Variants in VTI1A observed in about 807,000 individuals in gnomAD.
VTI1A encodes vesicle transport through interaction with t-SNAREs 1A.
Under a neutral mutation model 34.9 loss-of-function variants are expected in VTI1A, and 22 were observed. The ratio of observed to expected loss-of-function variants is 0.63; its 90% CI spans 0.45 to 0.90. VTI1A has a LOEUF of 0.90. Ranked by LOEUF, VTI1A falls within the 40% of genes least tolerant of loss-of-function variation. The pLI is 0.00. For synonymous variants in VTI1A, 87 were observed against 97.3 expected (o/e 0.89, Z 0.62); for missense variants, 268 against 275.6 (o/e 0.97, Z 0.20).
intron 5 of VTI1A, among the ~76,000 whole-genome samples, chr10:112,593,940 C>T (rs111296809): frequency 1.4e-5 from 2 of 148,140 alleles, no homozygotes; most frequent in East Asian, 2.0e-4. Context: ...GACGGAGTCT[C>T]GCTCTGTCAC....
intron 7 of VTI1A, among the ~76,000 whole-genome samples, chr10:112,808,263 A>T (rs555401363): frequency 1.3e-5 from 2 of 152,164 alleles, no homozygotes; most frequent in South Asian, 4.2e-4. Context: ...ATAAGATCAC[A>T]TTCTGAGGTT....
rs566717534 is a variant in VTI1A, at chr10:112,708,056, G to A, written c.560+39058G>A. On this transcript the variant is annotated intron_variant, in intron 7 of 7. Transcript: ENST00000393077. ...CATTCTTTACCGCCAAAGAAAGCAG[G>A]TTCATTTCTGTTAGACAGTTCTATC... is the stretch of plus-strand genomic sequence containing the variant. Among the ~76,000 whole-genome samples the A allele has an allele frequency of 9.2e-5, 14 of 152,286 alleles. No individual in the cohort carries two copies. In the South Asian group the frequency reaches 2.7e-3, roughly 29 times the overall value.
intron 5 of VTI1A, among the ~76,000 whole-genome samples, chr10:112,615,454 A>C (rs1427703533): frequency 2.6e-5 from 4 of 152,218 alleles, no homozygotes; most frequent in African/African-American, 9.7e-5. Flanking sequence ...ACAACAATGA[A>C]GTTGTTTATT....
chr10:112,550,560 C>A (rs1162333009), intron 5 of VTI1A, among the ~76,000 whole-genome samples: 1 of 152,072 alleles, frequency 6.6e-6, no homozygotes, highest in Non-Finnish European at 1.5e-5. Context: ...TCTTGGGCTA[C>A]AGTGTTTTCC....
intron 7 of VTI1A, among the ~76,000 whole-genome samples, chr10:112,706,497 G>C (rs7073681): frequency 2.6e-5 from 4 of 151,926 alleles, no homozygotes; most frequent in African/African-American, 9.7e-5. Flanking sequence ...TACCTACTTC[G>C]GTCTCTGTAC....
intron 7 of VTI1A, 79 bp from the exon 8 acceptor site, chr10:112,815,211 C>A: frequency 9.6e-7 from 1 of 1,039,768 alleles, no homozygotes; most frequent in Non-Finnish European, 1.4e-6. Flanking sequence ...GTTTGATTAG[C>A]CAACCTGGCC....
At chr10:112,571,504 T>C (rs1050139783) in intron 5 of VTI1A, among the ~76,000 whole-genome samples, 2 of 152,168 alleles carry the variant, frequency 1.3e-5, no homozygotes, top group Non-Finnish European at 2.9e-5. Context: ...TTGGCGATGC[T>C]ATGGAGAAAA....
intron 5 of VTI1A, among the ~76,000 whole-genome samples, chr10:112,628,617 G>T (rs188702730): frequency 1.3e-5 from 2 of 152,100 alleles, no homozygotes; most frequent in African/African-American, 4.8e-5. Flanking sequence ...TCATTTACAG[G>T]ATTGCATCCA....
At chr10:112,691,110 A>C (rs1424355613) in intron 7 of VTI1A, among the ~76,000 whole-genome samples, 1 of 151,858 alleles carries the variant, frequency 6.6e-6, no homozygotes, top group Non-Finnish European at 1.5e-5. Flanking sequence ...AATACAAAAA[A>C]ATTAGCCAGG....
At chr10:112,787,007 A>G (rs558996017) in intron 7 of VTI1A, among the ~76,000 whole-genome samples, 2 of 152,236 alleles carry the variant, frequency 1.3e-5, no homozygotes, top group East Asian at 1.9e-4. Flanking sequence ...TTGTGATGTA[A>G]TTCATTATTT....
intron 7 of VTI1A, among the ~76,000 whole-genome samples, chr10:112,796,566 T>A (rs776894241): frequency 1.7e-4 from 26 of 152,090 alleles, no homozygotes; most frequent in Non-Finnish European, 3.1e-4. Context: ...CAAAACTGGC[T>A]CCTCTCATAT....
At chr10:112,760,397 G>T (rs1420637844) in intron 7 of VTI1A, among the ~76,000 whole-genome samples, 1 of 152,044 alleles carries the variant, frequency 6.6e-6, no homozygotes, top group Non-Finnish European at 1.5e-5. Context: ...CTCTCAAAAT[G>T]TCTTAGTATC....
At chr10:112,814,707 A>T (rs182510335) in intron 7 of VTI1A, among the ~76,000 whole-genome samples, 1 of 152,274 alleles carries the variant, frequency 6.6e-6, no homozygotes, top group East Asian at 1.9e-4. Flanking sequence ...AGCAAATGTA[A>T]CGTTTCCTCC....
downstream of VTI1A, among the ~76,000 whole-genome samples, chr10:112,820,266 AAAGGAAGAAAGG>A (rs558870877): frequency 1.9e-3 from 297 of 152,340 alleles, 1 homozygote; most frequent in African/African-American, 6.3e-3. Context: ...CATTTTTCCA[AAAGGAAGAAAGG>A]AAGGAAGAAA....
At chr10:112,526,831 T>C (rs1850244960) in intron 3 of VTI1A, among the ~76,000 whole-genome samples, 1 of 152,218 alleles carries the variant, frequency 6.6e-6, no homozygotes, top group South Asian at 2.1e-4. Context: ...TGGAACTATA[T>C]ACAAGTTCAG....
At chr10:112,618,506 T>TAGAGAGAGAG (rs1452998530) in intron 5 of VTI1A, among the ~76,000 whole-genome samples, 5 of 33,608 alleles carry the variant, frequency 1.5e-4, no homozygotes, top group Non-Finnish European at 2.2e-4. Flanking sequence ...TATATATATA[T>TAGAGAGAGAG]ATATATATAT....
At chr10:112,494,167 T>A (rs1040640760) in intron 3 of VTI1A, among the ~76,000 whole-genome samples, 7 of 152,146 alleles carry the variant, frequency 4.6e-5, no homozygotes, top group African/African-American at 1.7e-4. Flanking sequence ...AGTCTATTTT[T>A]ATAATTTATA....
At chr10:112,489,623 TTC>T (rs1469369848) in intron 3 of VTI1A, among the ~76,000 whole-genome samples, 1 of 152,208 alleles carries the variant, frequency 6.6e-6, no homozygotes, top group African/African-American at 2.4e-5. Flanking sequence ...TTCTCTTTTT[TTC>T]TCTCTCAGAG....
intron 5 of VTI1A, among the ~76,000 whole-genome samples, chr10:112,541,022 T>A (rs995749857): frequency 1.1e-4 from 17 of 152,224 alleles, no homozygotes; most frequent in Non-Finnish European, 2.4e-4. Context: ...TCATAAAACA[T>A]ATTTTATTAA....
Sources: allele counts gnomAD v4.1 joint callset (sites outside exome capture counted in the v4.1 genomes callset), GRCh38; gene constraint gnomAD v4.1.1; transcripts MANE v1.5; gene names NCBI Gene and HGNC (gene_info 2026-07-23, HGNC 2026-07-21).